EYS: variants seen among roughly 807,000 people sequenced by gnomAD.
EYS encodes the protein EGF-like photoreceptor maintenance factor, also known as protein eyes shut homolog.
In EYS, 250 loss-of-function variants were observed where a neutral mutation model predicts 282.1. The ratio of observed to expected loss-of-function variants is 0.89; its 90% CI spans 0.80 to 0.98. The LOEUF (loss-of-function observed/expected upper bound fraction) is 0.98, where lower values mean the gene tolerates loss of function less well. Ranked by LOEUF, EYS falls within the 50% of genes least tolerant of loss-of-function variation. The pLI is 0.00. For missense variants in EYS, 4,016 were observed against 3,709.0 expected (o/e 1.08, Z -2.15); for synonymous variants, 1,355 against 1,282.9 (o/e 1.06, Z -1.20).
At chr6:65,172,090 G>A (rs1429684492) in intron 12 of EYS, among the ~76,000 whole-genome samples, 2 of 151,236 alleles carry the variant, frequency 1.3e-5, no homozygotes, top group Non-Finnish European at 3.0e-5. Flanking sequence ...CTGAATTTAA[G>A]CAGGGTCTCC....
intron 35 of EYS, among the ~76,000 whole-genome samples, chr6:63,866,041 C>T (rs1311996253): frequency 6.6e-6 from 1 of 152,070 alleles, no homozygotes; most frequent in African/African-American, 2.4e-5. Context: ...TATGGAATCT[C>T]ATAAGTTTTC....
chr6:64,501,498 A>G (rs961655700), intron 26 of EYS, among the ~76,000 whole-genome samples: 4 of 152,058 alleles, frequency 2.6e-5, no homozygotes, highest in African/African-American at 9.7e-5. Context: ...ATTGAAAATA[A>G]AACAAGGTTC....
At chr6:64,215,526 G>A (rs536291372) in intron 31 of EYS, among the ~76,000 whole-genome samples, 1 of 152,142 alleles carries the variant, frequency 6.6e-6, no homozygotes, top group South Asian at 2.1e-4. Flanking sequence ...GGAAAAGTCA[G>A]AGATAGTGCC....
chr6:65,075,929 G>A (rs1774036986), intron 12 of EYS, among the ~76,000 whole-genome samples: 1 of 151,936 alleles, frequency 6.6e-6, no homozygotes, highest in Non-Finnish European at 1.5e-5. Context: ...GATCTTGGAA[G>A]TACATTCATC....
rs1260312589 is a variant in EYS, at chr6:65,026,916, C to CAAAAAAA, written c.2138-29220_2138-29214dup. 2.3e-4 allele frequency among the ~76,000 whole-genome samples: 25 copies of CAAAAAAA among 107,834 alleles called. 4 individuals carry two copies. The highest frequency in any genetic ancestry group is 9.0e-4 in the East Asian group (3 of 3,346). 70.7% of individuals were successfully genotyped at this position (107,834 alleles called of 152,430 possible). A position where few individuals can be genotyped will look rare whatever the true frequency, so the allele number is the denominator to read the frequency against. ...TGGGCGACAGAGTGAGACTCCGTCT[C>CAAAAAAA]AAAAAAAAAAAAAAGATTCAGATAT... On this transcript the variant is annotated intron_variant, in intron 13 of 42. Coordinates refer to ENST00000503581, the MANE Select transcript of EYS (RefSeq NM_001142800.2).
chr6:64,631,231 T>C (rs1767768927), intron 22 of EYS: 1 of 152,220 alleles, frequency 6.6e-6, no homozygotes. Context: ...TGCCTCCATT[T>C]AGCTAATTGA....
intron 28 of EYS, chr6:64,412,834 A>T (rs1013199865): frequency 6.6e-6 from 1 of 152,196 alleles, no homozygotes; most frequent in Non-Finnish European, 1.5e-5. Context: ...CTTTACTATG[A>T]ATAAAACAAA....
intron 12 of EYS, among the ~76,000 whole-genome samples, chr6:65,081,228 C>A (rs1205160441): frequency 6.6e-6 from 1 of 151,936 alleles, no homozygotes; most frequent in African/African-American, 2.4e-5. Flanking sequence ...TTTTCTATAT[C>A]TCAGTAGCCC....
At chr6:63,851,175 A>C (rs1772240626) in intron 36 of EYS, among the ~76,000 whole-genome samples, 1 of 152,196 alleles carries the variant, frequency 6.6e-6, no homozygotes, top group Admixed American at 6.5e-5. Context: ...TTCATAAAGC[A>C]AGTTCTTAGA....
In EYS at chr6:65,147,390, G is replaced by A. The variant is rs953590014; in HGVS notation, c.2024-89663C>T. On this transcript the variant is annotated intron_variant, in intron 12 of 42. Transcript: ENST00000503581. The stretch of plus-strand genomic sequence containing the variant: ...TCACCAGAATATTTAGTTTATAAGA[G>A]GGATATTAGAATTTTCGATGAAAAT... Among the ~76,000 whole-genome samples the A allele has an allele frequency of 3.3e-5, 5 of 151,886 alleles. No homozygotes were observed. In the South Asian group the frequency reaches 1.0e-3, roughly 32 times the overall value.
intron 14 of EYS, among the ~76,000 whole-genome samples, chr6:64,966,557 C>G (rs958629125): frequency 6.6e-6 from 1 of 152,110 alleles, no homozygotes. Context: ...GATATGGCCA[C>G]CTTCAAGGGG....
At chr6:64,024,407 C>T (rs1335317422) in intron 33 of EYS, among the ~76,000 whole-genome samples, 1 of 152,106 alleles carries the variant, frequency 6.6e-6, no homozygotes, top group Non-Finnish European at 1.5e-5. Context: ...CTGTGTCTAG[C>T]TCAGGGATTG....
chr6:65,419,334 T>C (rs539457543), intron 5 of EYS, among the ~76,000 whole-genome samples: 1 of 151,828 alleles, frequency 6.6e-6, no homozygotes, highest in Non-Finnish European at 1.5e-5. Flanking sequence ...AGACTGAAAA[T>C]ACAAGAGAAT....
intron 2 of EYS, among the ~76,000 whole-genome samples, chr6:65,542,319 A>G (rs558365940): frequency 6.6e-6 from 1 of 152,300 alleles, no homozygotes; most frequent in South Asian, 2.1e-4. Flanking sequence ...GATAGTTTAC[A>G]AAGTATTTTA....
rs1354020335 is a variant in EYS at position 64,968,392 on chromosome 6, T to C, written c.2260-22478A>G. Among the ~76,000 whole-genome samples, 3 of 152,258 alleles carry C rather than the reference T, an allele frequency of 2.0e-5. No homozygotes were observed. In the East Asian group the frequency reaches 5.8e-4, roughly 29 times the overall value. On this transcript the variant is annotated intron_variant, in intron 14 of 42. Coordinates refer to ENST00000503581, the MANE Select transcript of EYS (RefSeq NM_001142800.2). ...AAAATAATTTTGCTGATCAAATAAA[T>C]GTGTTATTCTTTCAAAATATATTTA...
At chr6:64,292,214 T>C (rs896761664) in intron 30 of EYS, among the ~76,000 whole-genome samples, 1 of 152,244 alleles carries the variant, frequency 6.6e-6, no homozygotes, top group Admixed American at 6.5e-5. Flanking sequence ...CCCATCTGTG[T>C]AACACGGCAG....
Position 64,597,173 on chromosome 6 carries a change from T to C in EYS, c.3685-3864A>G, listed in dbSNP as rs138875105. Among the ~76,000 whole-genome samples the C allele has an allele frequency of 5.3e-4, 80 of 152,252 alleles. 2 individuals are homozygous for C. In the East Asian group the frequency reaches 0.014, roughly 26 times the overall value. ...ATTAAAACTGCAATGAGATATTATCTTACATTAGTTAGAATGGCTACCATT... is the reference window on the plus strand; with the variant it reads ...ATTAAAACTGCAATGAGATATTATCCTACATTAGTTAGAATGGCTACCATT... On this transcript the variant is annotated intron_variant, in intron 24 of 42. Coordinates refer to ENST00000503581, the MANE Select transcript of EYS (RefSeq NM_001142800.2).
chr6:64,009,605 G>T (rs1481008395), intron 33 of EYS, among the ~76,000 whole-genome samples: 2 of 152,062 alleles, frequency 1.3e-5, no homozygotes, highest in African/African-American at 2.4e-5. Context: ...TTCTTAAAAT[G>T]ACCATTTCAT....
chr6:65,422,941 C>T (rs1189224889), intron 5 of EYS, among the ~76,000 whole-genome samples: 4 of 151,652 alleles, frequency 2.6e-5, no homozygotes, highest in African/African-American at 9.7e-5. Flanking sequence ...CTTAAAATTA[C>T]CTAAATTCTG....
Sources: gnomAD v4.1 joint callset for allele counts (sites outside exome capture counted in the v4.1 genomes callset) on GRCh38, gnomAD v4.1.1 for gene constraint, MANE v1.5 for transcripts, NCBI Gene and HGNC (gene_info 2026-07-23, HGNC 2026-07-21) for gene names.